Variants in ANKRD28 observed in about 807,000 individuals in gnomAD.
ANKRD28 encodes the protein serine/threonine-protein phosphatase 6 regulatory ankyrin repeat subunit A.
ANKRD28 carries 44 observed loss-of-function variants against 126.5 expected under a neutral mutation model. The ratio of observed to expected loss-of-function variants is 0.35; its 90% confidence interval spans 0.27 to 0.45. The LOEUF is 0.45. Among genes scored for constraint, ANKRD28 ranks in the 20% least tolerant of loss-of-function variants. The pLI, the probability that ANKRD28 is intolerant of heterozygous loss-of-function variation, is 1.00. For missense variants in ANKRD28, 1,110 were observed against 1,316.6 expected (o/e 0.84, Z 2.43); for synonymous variants, 442 against 468.5 (o/e 0.94, Z 0.73).
In ANKRD28 at chr3:15,690,085, T is replaced by C; in HGVS notation, c.1897A>G (p.Ile633Val). Reference sequence around the variant, plus strand: ...ACTAAGATTGAGGCTCCCTGATTAATGAGTACATCCACACATTCAACATGG... The same window carrying C: ...ACTAAGATTGAGGCTCCCTGATTAACGAGTACATCCACACATTCAACATGG... ...KGHVECVDVL[I>V]NQGASILVKD... Residue 633 changes from isoleucine (I) to valine (V), a missense_variant, in exon 18 of 28, where the codon ATT (isoleucine) becomes GTT (valine). Coordinates refer to ENST00000683139, the MANE Select transcript of ANKRD28 (RefSeq NM_001349278.2). 6.2e-7 allele frequency: 1 copy of C among 1,612,440 alleles called. No individual in the cohort carries two copies. Among genetic ancestry groups the C allele is most frequent in the Non-Finnish European group, 8.5e-7 (1 of 1,179,188 alleles).
At chr3:15,766,118 C>T in intron 3 of ANKRD28, 116 bp downstream of exon 3, 1 of 720,718 alleles carries the variant, frequency 1.4e-6, no homozygotes, top group Non-Finnish European at 2.2e-6. Flanking sequence ...TAAGTTTCAG[C>T]TGATAAAACA....
At chr3:15,702,507 C>T (rs1418822327) in intron 14 of ANKRD28, among the ~76,000 whole-genome samples, 1 of 152,252 alleles carries the variant, frequency 6.6e-6, no homozygotes, top group Admixed American at 6.5e-5. Context: ...TAAGGCTAAA[C>T]AATATTCTGT....
chr3:15,858,643 C>T (rs1489210216), intron 1 of ANKRD28, among the ~76,000 whole-genome samples: 1 of 152,130 alleles, frequency 6.6e-6, no homozygotes, highest in African/African-American at 2.4e-5. Flanking sequence ...CATTAATTTT[C>T]CTTTTCCTTA....
At chr3:15,772,287 T>C (rs2059052992) in intron 2 of ANKRD28, among the ~76,000 whole-genome samples, 1 of 152,138 alleles carries the variant, frequency 6.6e-6, no homozygotes, top group Non-Finnish European at 1.5e-5. Context: ...ATATAATTAG[T>C]AATCTTCAAG....
intron 8 of ANKRD28, among the ~76,000 whole-genome samples, chr3:15,715,882 A>C (rs2072947396): frequency 1.3e-5 from 2 of 152,210 alleles, no homozygotes; most frequent in African/African-American, 4.8e-5. Context: ...ACCAGAAAAA[A>C]AAAGGGCAAA....
At chr3:15,829,797 C>G (rs1458004868) in intron 1 of ANKRD28, among the ~76,000 whole-genome samples, 1 of 152,070 alleles carries the variant, frequency 6.6e-6, no homozygotes, top group African/African-American at 2.4e-5. Flanking sequence ...TCATCTGTAA[C>G]AAATATTGAC....
chr3:15,716,644 A>C (rs750001574), intron 8 of ANKRD28, among the ~76,000 whole-genome samples: 1 of 152,152 alleles, frequency 6.6e-6, no homozygotes, highest in African/African-American at 2.4e-5. Context: ...AAGAAGGATA[A>C]GAAAAACAAG....
chr3:15,762,535 C>G (rs551003723), intron 3 of ANKRD28, among the ~76,000 whole-genome samples: 1 of 151,592 alleles, frequency 6.6e-6, no homozygotes, highest in Non-Finnish European at 1.5e-5. Context: ...TTTTTTTCAA[C>G]CTTTGTCTTT....
At position 15,843,416 on chromosome 3, in the gene ANKRD28, CCATCTGAG is replaced by C. The variant is rs2061462707; in HGVS notation, c.27+15953_27+15960del. 6.6e-6 allele frequency among the ~76,000 whole-genome samples: 1 copy of C among 152,028 alleles called. No homozygotes were observed. ...CCAAACTCTATCACCTGGTTTTGCC[CCATCTGAG>C]CATCAGAATCTTAATAGCGTCCATC... On this transcript the variant is annotated intron_variant, in intron 1 of 27. Transcript: ENST00000399451. The surrounding 1 kb of genome is among the most constrained non-coding windows in gnomAD (Gnocchi z 5.2).
chr3:15,797,989 C>A (rs999407037), upstream of ANKRD28: 1 of 985,220 alleles, frequency 1.0e-6, no homozygotes, highest in Non-Finnish European at 1.2e-6. Flanking sequence ...TGAGCTACTT[C>A]TCGGGATGTA....
rs1417963331 is a variant in ANKRD28 at position 15,796,993 on chromosome 3, A to C, written c.-472T>G. On this transcript the variant is annotated 5_prime_UTR_variant, in exon 1 of 28. The change abolishes an upstream ATG in the 5' untranslated region. Transcript: ENST00000683139. ...GATACCCACTCTTGCCTGCAAGGTC[A>C]TATAGTTACCAGTAGCTGTTTTGCT... is the stretch of plus-strand genomic sequence containing the variant. 17 of 985,402 alleles carry C rather than the reference A, an allele frequency of 1.7e-5. No individual in the cohort carries two copies. The highest frequency in any genetic ancestry group is 2.0e-5 in the Non-Finnish European group (17 of 829,922). 61.0% of individuals were successfully genotyped at this position (985,402 alleles called of 1,614,324 possible).
At chr3:15,761,381 A>G (rs1324291255) in intron 3 of ANKRD28, among the ~76,000 whole-genome samples, 1 of 152,138 alleles carries the variant, frequency 6.6e-6, no homozygotes, top group East Asian at 1.9e-4. Context: ...TCTCATCTTT[A>G]CCTAGAGAAT....
At chr3:15,771,816 T>G (rs1170279521) in intron 2 of ANKRD28, among the ~76,000 whole-genome samples, 1 of 152,132 alleles carries the variant, frequency 6.6e-6, no homozygotes. Flanking sequence ...CTTAACACAT[T>G]AAAATAAAGC....
chr3:15,676,898 CAT>C (rs1055065285), intron 26 of ANKRD28, 74 bp downstream of exon 26: 11 of 1,233,768 alleles, frequency 8.9e-6, no homozygotes, highest in Admixed American at 1.9e-5. Flanking sequence ...CCAATAGTCA[CAT>C]GTTTAAAAAA....
At chr3:15,805,400 A>T (rs987336984) in intron 1 of ANKRD28, among the ~76,000 whole-genome samples, 29 of 152,078 alleles carry the variant, frequency 1.9e-4, no homozygotes, top group Non-Finnish European at 3.8e-4. Flanking sequence ...TCTTTTTTTT[A>T]AAGTTGTGAT....
chr3:15,844,184 C>A (rs891945249), intron 1 of ANKRD28, among the ~76,000 whole-genome samples: 1 of 152,116 alleles, frequency 6.6e-6, no homozygotes, highest in Non-Finnish European at 1.5e-5. Flanking sequence ...AAAGAAGTAT[C>A]AATCAATATC....
chr3:15,723,346 G>GT (rs1405083218), intron 7 of ANKRD28, among the ~76,000 whole-genome samples: 1 of 152,158 alleles, frequency 6.6e-6, no homozygotes, highest in Non-Finnish European at 1.5e-5. Flanking sequence ...ACTTTTCTTA[G>GT]TTTTTTGTAG....
At chr3:15,807,792 C>A (rs1265157037) in intron 1 of ANKRD28, among the ~76,000 whole-genome samples, 1 of 152,164 alleles carries the variant, frequency 6.6e-6, no homozygotes, top group Non-Finnish European at 1.5e-5. Context: ...ACTGTGAAGA[C>A]AATTACACAG....
At chr3:15,778,034 C>T (rs1209766774) in intron 2 of ANKRD28, among the ~76,000 whole-genome samples, 2 of 152,106 alleles carry the variant, frequency 1.3e-5, no homozygotes, top group Non-Finnish European at 2.9e-5. Context: ...ATTTGTTATG[C>T]AGCAATAAAA....
Sources: gnomAD v4.1 joint callset for allele counts (sites outside exome capture counted in the v4.1 genomes callset) on GRCh38, gnomAD v4.1.1 for gene constraint, Gnocchi (gnomAD v3.1) non-coding constraint, MANE v1.5 for transcripts, NCBI Gene and HGNC (gene_info 2026-07-23, HGNC 2026-07-21) for gene names.